GLP1R: variants seen among roughly 807,000 people sequenced by gnomAD.
GLP1R encodes glucagon-like peptide 1 receptor.
In GLP1R, 32 loss-of-function variants were observed where a neutral mutation model predicts 68.4. That is an observed-to-expected ratio of 0.47 (90% CI 0.35 to 0.63). The LOEUF (loss-of-function observed/expected upper bound fraction) is 0.63, where lower values mean the gene tolerates loss of function less well. Among genes scored for constraint, GLP1R ranks in the 20% least tolerant of loss-of-function variants. The pLI is 0.00. For synonymous variants in GLP1R, 263 were observed against 244.4 expected (o/e 1.08, Z -0.71); for missense variants, 502 against 594.9 (o/e 0.84, Z 1.62).
At position 39,072,953 on chromosome 6, in the gene GLP1R, C is replaced by T; in HGVS notation, c.601C>T (p.Leu201=). 5 of 1,614,158 alleles carry T rather than the reference C, an allele frequency of 3.1e-6. No individual in the cohort carries two copies. Among genetic ancestry groups the T allele is most frequent in the Non-Finnish European group, 4.2e-6 (5 of 1,179,994 alleles). The change falls in exon 6 of 13, where the codon CTG becomes TTG. Residue 201 remains leucine, a synonymous_variant. Transcript: ENST00000373256. ...GTCCGTCTTCATCAAGGACGCAGCC[C>T]TGAAGTGGATGTATAGCACAGCCGC... is the stretch of plus-strand genomic sequence containing the variant. ...ALSVFIKDAA[L]KWMYSTAAQQ...
At chr6:39,071,172 C>A (rs914078309) in intron 5 of GLP1R, among the ~76,000 whole-genome samples, 2 of 151,688 alleles carry the variant, frequency 1.3e-5, no homozygotes, top group Non-Finnish European at 2.9e-5. Flanking sequence ...CAGTGGAACC[C>A]CATCTCTACT....
chr6:39,073,529 G>T (rs756841431), intron 6 of GLP1R, 81 bp from the exon 7 acceptor site: 4 of 1,223,160 alleles, frequency 3.3e-6, no homozygotes, highest in Non-Finnish European at 4.7e-6. Flanking sequence ...CAGGATAGTG[G>T]CTGGAGCAGG....
Position 39,066,275 on chromosome 6 carries a change from A to T in GLP1R, c.481A>T (p.Ile161Phe), listed in dbSNP as rs746502272. 13 of 1,611,740 alleles carry T rather than the reference A, an allele frequency of 8.1e-6. No individual in the cohort carries two copies. In the African/African-American group the frequency reaches 1.5e-4, roughly 18 times the overall value. ...CGCACTCTCCTTCTCTGCTCTGGTT[A>T]TCGCCTCTGCGATCCTCCTCGGCTT... ...GYALSFSALVIASAILLGFRH... is the reference protein window; with the variant it reads ...GYALSFSALVFASAILLGFRH... The change falls in exon 5 of 13, where the codon ATC (isoleucine) becomes TTC (phenylalanine). Residue 161 changes from isoleucine (I) to phenylalanine (F), a missense_variant. Coordinates refer to ENST00000373256, the MANE Select transcript of GLP1R (RefSeq NM_002062.5).
chr6:39,077,483 G>A (rs1768861276), intron 7 of GLP1R, among the ~76,000 whole-genome samples: 1 of 152,244 alleles, frequency 6.6e-6, no homozygotes, highest in South Asian at 2.1e-4. Flanking sequence ...TCAGCACATG[G>A]CAACTGGTTT....
chr6:39,056,441 A>T lies in GLP1R; in HGVS notation c.123A>T (p.Glu41Asp). ...GGGAGACGGTGCAGAAATGGCGAGA[A>T]TACCGACGCCAGTGCCAGCGCTCCC... is the stretch of plus-strand genomic sequence containing the variant. ...SLWETVQKWR[E>D]YRRQCQRSLT... Residue 41 changes from glutamate (E) to aspartate (D), a missense_variant, in exon 2 of 13, where the codon GAA becomes GAT. Glu to Asp is a conservative substitution (Grantham distance 45). Transcript: ENST00000373256. 2 of 1,606,770 alleles carry T rather than the reference A, an allele frequency of 1.2e-6. No individual in the cohort carries two copies. Among genetic ancestry groups the T allele is most frequent in the Non-Finnish European group, 1.7e-6 (2 of 1,173,308 alleles).
At chr6:39,059,157 C>T (rs1271494958) in intron 3 of GLP1R, among the ~76,000 whole-genome samples, 1 of 152,266 alleles carries the variant, frequency 6.6e-6, no homozygotes, top group Non-Finnish European at 1.5e-5. Context: ...CTGGGCCCAT[C>T]AGTGGCCTGC....
In GLP1R at chr6:39,079,301, C is replaced by G. The variant is rs1207890770; in HGVS notation, c.1043+101C>G. 10 of 939,334 alleles carry G rather than the reference C, an allele frequency of 1.1e-5. No homozygotes were observed. The Admixed American group carries it at 1.8e-4, about 17-fold the overall frequency. The allele number at this position is 939,334 out of a possible 1,614,324, so 58.2% of individuals were successfully genotyped here. On this transcript the variant is annotated intron_variant, in intron 10 of 12. Coordinates refer to ENST00000373256, the MANE Select transcript of GLP1R (RefSeq NM_002062.5). This position sits in a 1 kb window ranked among gnomAD's most constrained non-coding sequence, Gnocchi z 4.5. ...ATCCTGGGATGCTTAGCTTAGAGCCCTACACTACCCTCTCCTTCCACCCAG... is the reference window on the plus strand; with the variant it reads ...ATCCTGGGATGCTTAGCTTAGAGCCGTACACTACCCTCTCCTTCCACCCAG...
rs201769110 is a variant in GLP1R at position 39,055,733 on chromosome 6, GT to G, written c.79-663del. ...GGGGAGCACGGGGAGGGGGTGGGGG[GT>G]GCTGTGTTGAGTGCATCTGTAAGTG... On this transcript the variant is annotated intron_variant, in intron 1 of 12. Coordinates refer to ENST00000373256, the MANE Select transcript of GLP1R (RefSeq NM_002062.5). 3.2e-3 allele frequency among the ~76,000 whole-genome samples: 487 copies of G among 151,606 alleles called. 3 individuals are homozygous for G. Among genetic ancestry groups the G allele is most frequent in the African/African-American group, 6.1e-3 (252 of 40,996 alleles).
At chr6:39,051,894 T>TGTGG (rs1430428706) in intron 1 of GLP1R, among the ~76,000 whole-genome samples, 54 of 112,862 alleles carry the variant, frequency 4.8e-4, no homozygotes, top group African/African-American at 1.8e-3. Context: ...TGTGTGTGTG[T>TGTGG]GGGGGGGGGG....
Position 39,086,122 on chromosome 6 carries a change from C to T in GLP1R, c.*49C>T. ...GGGTCCTTGCTGCAGGCCGGGTGGC[C>T]AATCCAGGTGGGAGAGACACTCCCA... On this transcript the variant is annotated 3_prime_UTR_variant, in exon 13 of 13. Transcript: ENST00000373256. The surrounding 1 kb of genome is among the most constrained non-coding windows in gnomAD (Gnocchi z 4.5). 1 of 1,536,596 alleles carries T rather than the reference C, an allele frequency of 6.5e-7. No homozygotes were observed. The highest frequency in any genetic ancestry group is 1.4e-5 in the African/African-American group (1 of 72,560).
rs1270260813 is a variant in GLP1R, at chr6:39,090,349, GGA to G, written c.*4282_*4283del. 1.3e-5 allele frequency among the ~76,000 whole-genome samples: 2 copies of G among 152,148 alleles called. No homozygotes were observed. Among genetic ancestry groups the G allele is most frequent in the Non-Finnish European group, 2.9e-5 (2 of 68,024 alleles). Reference sequence around the variant, plus strand: ...TATATATGTATCTGAATCTCTCAGAGGAGAGAGTTTTCTCTCTTCTTTGGCCA... The same window carrying G: ...TATATATGTATCTGAATCTCTCAGAGGAGAGTTTTCTCTCTTCTTTGGCCA... On this transcript the variant is annotated 3_prime_UTR_variant, in exon 13 of 13. Coordinates refer to ENST00000373256, the MANE Select transcript of GLP1R (RefSeq NM_002062.5).
rs1326923994 is a variant in GLP1R at position 39,073,603 on chromosome 6, C to A, written c.664-7C>A. 6.8e-6 allele frequency: 11 copies of A among 1,612,856 alleles called. No individual in the cohort carries two copies. In the African/African-American group the frequency reaches 9.3e-5, roughly 14 times the overall value. ...TTGTCCCCATGACACCCTTCCTCTA[C>A]CCCCAGGACTCTCTGAGCTGCCGCC... On this transcript the variant is annotated splice_polypyrimidine_tract_variant and splice_region_variant and intron_variant, in intron 6 of 12. Transcript: ENST00000373256.
rs2150841928 is a variant in GLP1R at position 39,088,270 on chromosome 6, T to A, written c.*2197T>A. ...CAAGATACCGAACTGAAGAAATCTT[T>A]TCTTTGCTCCAACCCCCGCTCCCCC... On this transcript the variant is annotated 3_prime_UTR_variant, in exon 13 of 13. Coordinates refer to ENST00000373256, the MANE Select transcript of GLP1R (RefSeq NM_002062.5). Among the ~76,000 whole-genome samples the A allele has an allele frequency of 6.6e-6, 1 of 152,200 alleles. No individual in the cohort carries two copies. Among genetic ancestry groups the A allele is most frequent in the South Asian group, 2.1e-4 (1 of 4,810 alleles).
chr6:39,079,095 C>G lies in GLP1R; in HGVS notation c.955-17C>G, dbSNP rs761386. Reference sequence around the variant, plus strand: ...CTGGGCTGGTGCCCCCTGCCAATCCCCGGCCCCACCCCGCAGGTGAACTTC... The same window carrying G: ...CTGGGCTGGTGCCCCCTGCCAATCCGCGGCCCCACCCCGCAGGTGAACTTC... On this transcript the variant is annotated splice_polypyrimidine_tract_variant and intron_variant, in intron 9 of 12. Transcript: ENST00000373256. This position sits in a 1 kb window ranked among gnomAD's most constrained non-coding sequence, Gnocchi z 4.5. 6.2e-7 allele frequency: 1 copy of G among 1,612,978 alleles called. No homozygotes were observed. The highest frequency in any genetic ancestry group is 1.1e-5 in the South Asian group (1 of 91,066).
intron 2 of GLP1R, among the ~76,000 whole-genome samples, chr6:39,056,700 C>T (rs796620914): frequency 1.4e-4 from 22 of 152,336 alleles, no homozygotes; most frequent in African/African-American, 4.3e-4. Context: ...CTTCAAAGTC[C>T]GCGGAAGCAC....
intron 5 of GLP1R, among the ~76,000 whole-genome samples, chr6:39,068,800 C>G (rs376568387): frequency 6.6e-6 from 1 of 152,180 alleles, no homozygotes; most frequent in Non-Finnish European, 1.5e-5. Flanking sequence ...GGCTCCTCCC[C>G]CAGAACTGTT....
intron 11 of GLP1R, among the ~76,000 whole-genome samples, 184 bp from the exon 12 acceptor site, chr6:39,080,514 A>G (rs1483021999): frequency 1.3e-5 from 2 of 152,114 alleles, no homozygotes; most frequent in Non-Finnish European, 2.9e-5. Flanking sequence ...CAGAGGTGCA[A>G]CCCTGGTGTT....
At chr6:39,078,879 C>G in intron 8 of GLP1R, 78 bp from the exon 9 acceptor site, 1 of 1,216,756 alleles carries the variant, frequency 8.2e-7, no homozygotes, top group Non-Finnish European at 1.2e-6. Context: ...TGTGCATTGG[C>G]GGCCTCTGTG....
chr6:39,086,019 A>G lies in GLP1R; in HGVS notation c.1338A>G (p.Gly446=), dbSNP rs757409031. 1.9e-6 allele frequency: 3 copies of G among 1,613,926 alleles called. No homozygotes were observed. Among genetic ancestry groups the G allele is most frequent in the African/African-American group, 2.7e-5 (2 of 74,892 alleles). The change falls in exon 13 of 13, where the codon GGA becomes GGG. Residue 446 remains glycine, a synonymous_variant. Transcript: ENST00000373256. This position sits in a 1 kb window ranked among gnomAD's most constrained non-coding sequence, Gnocchi z 4.5. ...LKCPTSSLSS[G]ATAGSSMYTA... is the part of the protein sequence containing the mutation. ...GTCCCACCAGCAGCCTGAGCAGTGG[A>G]GCCACGGCGGGCAGCAGCATGTACA... is the stretch of plus-strand genomic sequence containing the variant.
Sources: gnomAD v4.1 joint callset for allele counts (sites outside exome capture counted in the v4.1 genomes callset) on GRCh38, gnomAD v4.1.1 for gene constraint, Gnocchi (gnomAD v3.1) non-coding constraint, MANE v1.5 for transcripts, NCBI Gene and HGNC (gene_info 2026-07-23, HGNC 2026-07-21) for gene names.